Variants in CD109 observed in about 807,000 individuals in gnomAD.
The protein encoded by CD109 is CD109 antigen.
CD109 carries 149 observed loss-of-function variants against 165.8 expected under a neutral mutation model. That is an observed-to-expected ratio of 0.90 (90% CI 0.79 to 1.03). CD109 has a LOEUF of 1.03. Ranked by LOEUF, CD109 falls within the 50% of genes least tolerant of loss-of-function variation. CD109 has a pLI of 0.00. For synonymous variants in CD109, 585 were observed against 592.1 expected, an observed-to-expected ratio of 0.99 and a Z score of 0.18; for missense variants, 1,712 against 1,677.8, an observed-to-expected ratio of 1.02 and a Z score of -0.36.
rs1233659774 is a variant in CD109 at position 73,815,013 on chromosome 6, G to A, written c.3801G>A (p.Gly1267=). 6.3e-7 allele frequency: 1 copy of A among 1,577,918 alleles called. No homozygotes were observed. Among genetic ancestry groups the A allele is most frequent in the South Asian group, 1.2e-5 (1 of 83,732 alleles). The change falls in exon 30 of 33, where the codon GGG becomes GGA. Residue 1267 remains glycine (G), a synonymous_variant. Coordinates refer to ENST00000287097, the MANE Select transcript of CD109 (RefSeq NM_133493.5). ...TTGTATATAATGTGAAGGCTTCTGG[G>A]TCTTCTAGAAGACGAAGATCTATCC... The part of the protein sequence containing the change: ...LNVVYNVKAS[G]SSRRRRSIQN...
intron 32 of CD109, among the ~76,000 whole-genome samples, chr6:73,821,058 A>T (rs959884533): frequency 8.5e-5 from 13 of 152,160 alleles, no homozygotes; most frequent in African/African-American, 2.9e-4. Context: ...TATCGCAAGG[A>T]CAAAAAACCA....
upstream of CD109, chr6:73,696,072 ACT>A (rs1562014909): frequency 1.4e-6 from 1 of 722,300 alleles, no homozygotes; most frequent in East Asian, 3.1e-5. Flanking sequence ...TAGATCTCTC[ACT>A]CTGCTGTTAG....
intron 15 of CD109, among the ~76,000 whole-genome samples, chr6:73,777,927 T>C (rs1044131872): frequency 6.6e-6 from 1 of 152,214 alleles, no homozygotes; most frequent in Admixed American, 6.5e-5. Context: ...AATTTTAAAA[T>C]AGTTTTCTCT....
At chr6:73,688,227 AATTGGCT>A in the CD109 span, among the ~76,000 whole-genome samples, 1 of 152,128 alleles carries the variant, frequency 6.6e-6, no homozygotes, top group Middle Eastern at 3.2e-3. Context: ...TTTAATTTCT[AATTGGCT>A]GTTGTGCAAT....
At chr6:73,791,196 T>TATATATATATACAAATAC (rs1562071146) in intron 22 of CD109, among the ~76,000 whole-genome samples, 1 of 22,288 alleles carries the variant, frequency 4.5e-5, no homozygotes, top group African/African-American at 1.2e-4. Context: ...CACATACATA[T>TATATATATATACAAATAC]ATATATATAT....
rs141376840 is a variant in CD109 at position 73,714,765 on chromosome 6, C to T, written c.248-8486C>T. 1.5e-3 allele frequency among the ~76,000 whole-genome samples: 228 copies of T among 151,882 alleles called. 1 individual carries two copies. Among genetic ancestry groups the T allele is most frequent in the African/African-American group, 5.0e-3 (206 of 41,160 alleles). ...GTGCTTGGAGTATAACTCTAAGTTT[C>T]TTCTAAGAGAAACTTCATGGAAGAA... is the stretch of plus-strand genomic sequence containing the variant. On this transcript the variant is annotated intron_variant, in intron 2 of 32. Coordinates refer to ENST00000287097, the MANE Select transcript of CD109 (RefSeq NM_133493.5).
At chr6:73,734,650 T>C (rs1268533714) in intron 4 of CD109, among the ~76,000 whole-genome samples, 7 of 152,178 alleles carry the variant, frequency 4.6e-5, no homozygotes, top group African/African-American at 1.7e-4. Context: ...GGTCTCTGGT[T>C]TTCACAATTG....
chr6:73,766,742 T>C lies in CD109; in HGVS notation c.1333-17T>C. ...ACTAAAGATGAACATTTACAGCTCC[T>C]TTTTCTTTTATTATAGGCCTATTTC... is the stretch of plus-strand genomic sequence containing the variant. On this transcript the variant is annotated splice_polypyrimidine_tract_variant and intron_variant, in intron 11 of 32. Coordinates refer to ENST00000287097, the MANE Select transcript of CD109 (RefSeq NM_133493.5). 6.4e-7 allele frequency: 1 copy of C among 1,563,168 alleles called. No homozygotes were observed. The highest frequency in any genetic ancestry group is 8.8e-7 in the Non-Finnish European group (1 of 1,142,752).
At chr6:73,680,443 C>T in the CD109 span, among the ~76,000 whole-genome samples, 1 of 152,066 alleles carries the variant, frequency 6.6e-6, no homozygotes, top group Non-Finnish European at 1.5e-5. Context: ...ACAGCTTAAC[C>T]TTGATAGAAA....
At chr6:73,800,527 C>T (rs1019440414) in intron 23 of CD109, among the ~76,000 whole-genome samples, 3 of 152,202 alleles carry the variant, frequency 2.0e-5, no homozygotes, top group African/African-American at 7.2e-5. Flanking sequence ...TTGTAACCTT[C>T]TGAATTCCCT....
intron 5 of CD109, among the ~76,000 whole-genome samples, chr6:73,753,764 A>G (rs1230986791): frequency 6.6e-6 from 1 of 152,164 alleles, no homozygotes; most frequent in African/African-American, 2.4e-5. Context: ...TCTGTGGGTC[A>G]TTTGCCTCTT....
intron 2 of CD109, among the ~76,000 whole-genome samples, chr6:73,714,996 C>T (rs1046075527): frequency 2.6e-5 from 4 of 152,184 alleles, no homozygotes; most frequent in East Asian, 1.9e-4. Flanking sequence ...CAGTGGCTCA[C>T]GCCTGTAATC....
intron 15 of CD109, 58 bp from the exon 16 acceptor site, chr6:73,780,366 A>G: frequency 1.0e-6 from 1 of 1,001,722 alleles, no homozygotes; most frequent in Middle Eastern, 2.0e-4. Flanking sequence ...GTTACTTGGA[A>G]GAAGTGTGGA....
chr6:73,731,051 CTTT>C (rs1405149756), intron 4 of CD109, among the ~76,000 whole-genome samples: 1 of 145,154 alleles, frequency 6.9e-6, no homozygotes. Flanking sequence ...TTCTTTCTTT[CTTT>C]TTTTTTTTTG....
chr6:73,781,836 C>CA (rs386359122), intron 17 of CD109, among the ~76,000 whole-genome samples: 1 of 62,100 alleles, frequency 1.6e-5, no homozygotes, highest in Non-Finnish European at 3.4e-5. Context: ...CACACACACA[C>CA]CCCTCATCAA....
intron 23 of CD109, among the ~76,000 whole-genome samples, chr6:73,800,825 G>A (rs1775336045): frequency 6.6e-6 from 1 of 151,848 alleles, no homozygotes; most frequent in Non-Finnish European, 1.5e-5. Flanking sequence ...ATACATGTAA[G>A]TAATAACATA....
chr6:73,805,462 C>G (rs560952083), intron 24 of CD109, among the ~76,000 whole-genome samples: 1 of 152,162 alleles, frequency 6.6e-6, no homozygotes, highest in Non-Finnish European at 1.5e-5. Flanking sequence ...GATTTTATAC[C>G]GAGACATTCC....
intron 4 of CD109, among the ~76,000 whole-genome samples, chr6:73,734,901 A>T (rs771412404): frequency 1.3e-5 from 2 of 152,220 alleles, no homozygotes; most frequent in Non-Finnish European, 2.9e-5. Context: ...TAAAATAAAC[A>T]TATTTTACTG....
At chr6:73,705,164 C>T (rs938255391) in intron 2 of CD109, among the ~76,000 whole-genome samples, 1 of 152,094 alleles carries the variant, frequency 6.6e-6, no homozygotes, top group Non-Finnish European at 1.5e-5. Flanking sequence ...GGGAGACATC[C>T]AGGTGGAGAT....
Sources: gnomAD v4.1 joint callset for allele counts (sites outside exome capture counted in the v4.1 genomes callset) on GRCh38, gnomAD v4.1.1 for gene constraint, MANE v1.5 for transcripts, NCBI Gene and HGNC (gene_info 2026-07-23, HGNC 2026-07-21) for gene names.